Variants in TRAM2 observed in about 807,000 individuals in gnomAD.
The protein encoded by TRAM2 is translocating chain-associated membrane protein 2.
A neutral mutation model predicts 51.0 loss-of-function variants in TRAM2; 12 were observed. The ratio of observed to expected loss-of-function variants is 0.24; its 90% CI spans 0.15 to 0.38. The LOEUF is 0.38. Ranked by LOEUF, TRAM2 falls within the 10% of genes least tolerant of loss-of-function variation. The pLI, the probability that TRAM2 is intolerant of heterozygous loss-of-function variation, is 1.00. For missense variants in TRAM2, 361 were observed against 462.0 expected (o/e 0.78, Z 2.00); for synonymous variants, 175 against 179.4 (o/e 0.98, Z 0.20).
At chr6:52,526,391 G>A in intron 2 of TRAM2, among the ~76,000 whole-genome samples, 1 of 152,120 alleles carries the variant, frequency 6.6e-6, no homozygotes, top group East Asian at 1.9e-4. Flanking sequence ...TAAGATCCCA[G>A]GTTTCTGCAT....
intron 1 of TRAM2, among the ~76,000 whole-genome samples, chr6:52,545,106 C>T (rs1430596889): frequency 2.6e-5 from 4 of 152,226 alleles, no homozygotes; most frequent in Non-Finnish European, 4.4e-5. Context: ...GGCTAGTCTC[C>T]ATTCCAAGCT....
At chr6:52,541,726 A>G (rs757103974) in intron 1 of TRAM2, among the ~76,000 whole-genome samples, 3 of 152,094 alleles carry the variant, frequency 2.0e-5, no homozygotes, top group Non-Finnish European at 2.9e-5. Flanking sequence ...CACCAAAGAT[A>G]AAAGAGAAGA....
chr6:52,561,738 C>G lies in TRAM2; in HGVS notation c.120+15058G>C, dbSNP rs551711210. On this transcript the variant is annotated intron_variant, in intron 1 of 10. Coordinates refer to ENST00000182527, the MANE Select transcript of TRAM2 (RefSeq NM_012288.4). Reference sequence around the variant, plus strand: ...TCTCCTGACCTCGTGATCCACCCGCCTCGGCCTCCCAAAGTGCTGGGATTA... The same window carrying G: ...TCTCCTGACCTCGTGATCCACCCGCGTCGGCCTCCCAAAGTGCTGGGATTA... Among the ~76,000 whole-genome samples the G allele has an allele frequency of 2.0e-5, 3 of 152,270 alleles. No individual in the cohort carries two copies. In the South Asian group the frequency reaches 6.2e-4, roughly 31 times the overall value.
intron 1 of TRAM2, among the ~76,000 whole-genome samples, chr6:52,537,295 C>T (rs913278987): frequency 3.3e-5 from 5 of 152,214 alleles, no homozygotes; most frequent in Non-Finnish European, 5.9e-5. Flanking sequence ...TCCTAATCCC[C>T]ACCCTAAAAC....
intron 2 of TRAM2, among the ~76,000 whole-genome samples, chr6:52,534,225 CATA>C (rs1766940561): frequency 6.6e-6 from 1 of 151,406 alleles, no homozygotes. Flanking sequence ...CTACTAAAAA[CATA>C]AAATTAGACT....
chr6:52,574,922 G>A (rs1354942732), intron 1 of TRAM2, among the ~76,000 whole-genome samples: 1 of 152,162 alleles, frequency 6.6e-6, no homozygotes, highest in Admixed American at 6.5e-5. Flanking sequence ...CAGGCTATGC[G>A]AGAAACTTCG....
rs145404985 is a variant in TRAM2, at chr6:52,539,279, G to C, written c.121-3433C>G. Among the ~76,000 whole-genome samples the C allele has an allele frequency of 3.3e-5, 5 of 152,352 alleles. No homozygotes were observed. The East Asian group carries it at 9.6e-4, about 29-fold the overall frequency. ...AGGATGAGAGCCGGAACTGGAGGCA[G>C]AGTGTCGCCTTGTTTGGCCTCAACT... On this transcript the variant is annotated intron_variant, in intron 1 of 10. Coordinates refer to ENST00000182527, the MANE Select transcript of TRAM2 (RefSeq NM_012288.4).
chr6:52,547,317 T>C (rs936937618), intron 1 of TRAM2, among the ~76,000 whole-genome samples: 2 of 152,184 alleles, frequency 1.3e-5, no homozygotes, highest in African/African-American at 4.8e-5. Flanking sequence ...TGAGATCCAG[T>C]GCTGCAGAGA....
At chr6:52,524,300 C>A (rs547495265) in intron 2 of TRAM2, 1 of 151,710 alleles carries the variant, frequency 6.6e-6, no homozygotes, top group African/African-American at 2.4e-5. Context: ...AAGCCAGGTA[C>A]AGAAGAAGCA....
chr6:52,575,686 AG>A (rs1378853679), intron 1 of TRAM2, among the ~76,000 whole-genome samples: 3 of 152,170 alleles, frequency 2.0e-5, no homozygotes, highest in African/African-American at 7.2e-5. Flanking sequence ...TCCATCTCCA[AG>A]GAAGTTTGTA....
chr6:52,507,882 A>G (rs1055224240), intron 6 of TRAM2, among the ~76,000 whole-genome samples: 3 of 152,198 alleles, frequency 2.0e-5, no homozygotes, highest in African/African-American at 7.2e-5. Flanking sequence ...AGAGACAGGG[A>G]CTGGAGAAGA....
At chr6:52,557,122 G>A (rs1051716360) in intron 1 of TRAM2, among the ~76,000 whole-genome samples, 2 of 150,018 alleles carry the variant, frequency 1.3e-5, no homozygotes, top group African/African-American at 2.4e-5. Context: ...GGGCCTGGGA[G>A]GCGGAGGCTG....
chr6:52,512,283 A>G (rs1038392891), intron 4 of TRAM2, among the ~76,000 whole-genome samples: 1 of 152,208 alleles, frequency 6.6e-6, no homozygotes, highest in Non-Finnish European at 1.5e-5. Context: ...CCTCTTACTT[A>G]GAGACAAAGA....
At chr6:52,507,505 G>A in intron 7 of TRAM2, 48 bp downstream of exon 7, 1 of 1,580,346 alleles carries the variant, frequency 6.3e-7, no homozygotes, top group Non-Finnish European at 8.7e-7. Context: ...ACAGATGCAT[G>A]GACATAAAAG....
intron 1 of TRAM2, among the ~76,000 whole-genome samples, chr6:52,554,933 C>T (rs1389618536): frequency 2.0e-5 from 3 of 151,960 alleles, no homozygotes; most frequent in African/African-American, 7.3e-5. Flanking sequence ...AGGCTGGTCT[C>T]GAACTCCTGG....
At chr6:52,563,029 G>T (rs1767525788) in intron 1 of TRAM2, among the ~76,000 whole-genome samples, 1 of 152,154 alleles carries the variant, frequency 6.6e-6, no homozygotes, top group African/African-American at 2.4e-5. Context: ...TCCCACTTCT[G>T]GGAAAATATC....
At chr6:52,564,268 G>T (rs143490514) in intron 1 of TRAM2, among the ~76,000 whole-genome samples, 1 of 152,278 alleles carries the variant, frequency 6.6e-6, no homozygotes, top group African/African-American at 2.4e-5. Context: ...GACCTTGCTA[G>T]TACAAATTGG....
chr6:52,513,443 G>T (rs993401008), intron 4 of TRAM2, among the ~76,000 whole-genome samples: 1 of 152,138 alleles, frequency 6.6e-6, no homozygotes, highest in Admixed American at 6.5e-5. Context: ...CCTGCTAGCA[G>T]GCAGCTCAGA....
intron 1 of TRAM2, among the ~76,000 whole-genome samples, chr6:52,549,228 C>G (rs889965688): frequency 1.3e-5 from 2 of 151,282 alleles, no homozygotes; most frequent in Non-Finnish European, 2.9e-5. Flanking sequence ...TTAAAGCTTT[C>G]CTTCCCTTCC....
Sources: gnomAD v4.1 joint callset for allele counts (sites outside exome capture counted in the v4.1 genomes callset) on GRCh38, gnomAD v4.1.1 for gene constraint, MANE v1.5 for transcripts, NCBI Gene and HGNC (gene_info 2026-07-23, HGNC 2026-07-21) for gene names.